Variants in PTPN14 observed in about 807,000 individuals in gnomAD.
PTPN14 encodes the protein tyrosine-protein phosphatase non-receptor type 14.
A neutral mutation model predicts 126.8 loss-of-function variants in PTPN14; 53 were observed. That is an observed-to-expected ratio of 0.42 (90% CI 0.34 to 0.53). PTPN14 has a LOEUF of 0.53. Among genes scored for constraint, PTPN14 ranks in the 20% least tolerant of loss-of-function variants. The probability of loss-of-function intolerance (pLI) is 0.08; values close to 1 mark genes in which losing one functional copy is unlikely to be tolerated. For missense variants in PTPN14, 1,257 were observed against 1,552.9 expected (o/e 0.81, Z 3.20); for synonymous variants, 630 against 599.3 (o/e 1.05, Z -0.75).
chr1:214,394,465 TGG>T, intron 9 of PTPN14, among the ~76,000 whole-genome samples: 1 of 152,322 alleles, frequency 6.6e-6, no homozygotes, highest in Non-Finnish European at 1.5e-5. Context: ...CGGAGTGCAG[TGG>T]CGCAATCTTG....
chr1:214,503,460 G>A (rs1410235089), intron 1 of PTPN14, among the ~76,000 whole-genome samples: 6 of 152,178 alleles, frequency 3.9e-5, no homozygotes, highest in African/African-American at 1.2e-4. Context: ...ATATGTAGAC[G>A]TACATTTGTA....
intron 3 of PTPN14, among the ~76,000 whole-genome samples, chr1:214,450,592 C>T (rs1336654875): frequency 6.6e-6 from 1 of 152,066 alleles, no homozygotes; most frequent in South Asian, 2.1e-4. Context: ...AAAAACTACA[C>T]AAAAGTCAGG....
At chr1:214,414,959 C>T (rs17022858) in intron 3 of PTPN14, among the ~76,000 whole-genome samples, 1,853 of 152,288 alleles carry the variant, frequency 0.012, 46 homozygotes, top group African/African-American at 0.042. Flanking sequence ...ATTCTCATCA[C>T]ATCACTTATT....
At chr1:214,368,194 G>T (rs545083216) in intron 17 of PTPN14, among the ~76,000 whole-genome samples, 1 of 37,070 alleles carries the variant, frequency 2.7e-5, no homozygotes, top group African/African-American at 1.9e-4. Flanking sequence ...AATGTTATTC[G>T]TTTTTATTTA....
rs545671636 is a variant in PTPN14, at chr1:214,390,150, T to C, written c.987+838A>G. ...TATCAGCTTGAAAGAATTGTTGATC[T>C]AGAGAAGTTAAAAGGTCATATGCTT... On this transcript the variant is annotated intron_variant, in intron 11 of 18. Transcript: ENST00000366956. Among the ~76,000 whole-genome samples, 170 of 152,320 alleles carry C rather than the reference T, an allele frequency of 1.1e-3. 1 individual carries two copies. The highest frequency in any genetic ancestry group is 3.9e-3 in the African/African-American group (161 of 41,584).
At chr1:214,454,258 AG>A (rs1660334125) in intron 2 of PTPN14, among the ~76,000 whole-genome samples, 1 of 152,222 alleles carries the variant, frequency 6.6e-6, no homozygotes, top group African/African-American at 2.4e-5. Flanking sequence ...TTTCACTAAA[AG>A]TAGTTTTGAC....
At chr1:214,371,205 C>T (rs1366469584) in intron 16 of PTPN14, among the ~76,000 whole-genome samples, 1 of 152,104 alleles carries the variant, frequency 6.6e-6, no homozygotes, top group Non-Finnish European at 1.5e-5. Context: ...CCTTGGCCAC[C>T]CCCCTGATCT....
At chr1:214,479,043 T>C (rs1035347766) in intron 1 of PTPN14, among the ~76,000 whole-genome samples, 2 of 151,962 alleles carry the variant, frequency 1.3e-5, no homozygotes, top group Non-Finnish European at 2.9e-5. Context: ...CAAGCATTCC[T>C]TTTTAAAATC....
At chr1:214,385,111 T>C (rs1041242777) in intron 12 of PTPN14, among the ~76,000 whole-genome samples, 2 of 152,202 alleles carry the variant, frequency 1.3e-5, no homozygotes, top group Non-Finnish European at 1.5e-5. Flanking sequence ...AGCCCTCCAG[T>C]TGGGGAGGCC....
At chr1:214,461,559 G>A (rs1660513073) in intron 2 of PTPN14, among the ~76,000 whole-genome samples, 1 of 152,172 alleles carries the variant, frequency 6.6e-6, no homozygotes, top group Non-Finnish European at 1.5e-5. Context: ...GAGCTCAGGA[G>A]GTTGAGGCTG....
chr1:214,387,656 G>A (rs1469026942), intron 11 of PTPN14, among the ~76,000 whole-genome samples: 2 of 140,120 alleles, frequency 1.4e-5, no homozygotes, highest in Non-Finnish European at 1.5e-5. Context: ...CCAGCCTGGC[G>A]ACAGAGCAAG....
chr1:214,405,201 A>G (rs61819560), intron 5 of PTPN14, among the ~76,000 whole-genome samples: 4,332 of 152,164 alleles, frequency 0.028, 83 homozygotes, highest in South Asian at 0.043. Context: ...CACTTCCCTC[A>G]ATAGGGCTCT....
intron 1 of PTPN14, among the ~76,000 whole-genome samples, chr1:214,470,149 C>T (rs1660722113): frequency 6.6e-6 from 1 of 151,916 alleles, no homozygotes; most frequent in South Asian, 2.1e-4. Context: ...AATAGCTGGA[C>T]ATGGTTTTGT....
chr1:214,461,540 G>T (rs1464403169), intron 2 of PTPN14, among the ~76,000 whole-genome samples: 1 of 152,072 alleles, frequency 6.6e-6, no homozygotes, highest in African/African-American at 2.4e-5. Flanking sequence ...GGCTGAGGTG[G>T]GATCACTTGA....
chr1:214,401,573 G>T, intron 7 of PTPN14, 112 bp downstream of exon 7: 2 of 881,632 alleles, frequency 2.3e-6, no homozygotes, highest in Non-Finnish European at 3.5e-6. Context: ...AACTAAGGCT[G>T]CATAGCAAAA....
chr1:214,494,445 A>C (rs1444827164), intron 1 of PTPN14, among the ~76,000 whole-genome samples: 1 of 152,134 alleles, frequency 6.6e-6, no homozygotes, highest in Non-Finnish European at 1.5e-5. Context: ...CCCCAAGCTT[A>C]GAGAGGTTGG....
At chr1:214,475,375 T>A (rs1441352577) in intron 1 of PTPN14, among the ~76,000 whole-genome samples, 1 of 152,148 alleles carries the variant, frequency 6.6e-6, no homozygotes, top group Non-Finnish European at 1.5e-5. Flanking sequence ...AAATGACAAG[T>A]TCTTTAAAAT....
intron 8 of PTPN14, among the ~76,000 whole-genome samples, chr1:214,395,588 A>AACACAC (rs57357032): frequency 0.038 from 5,054 of 132,436 alleles, 167 homozygotes; most frequent in African/African-American, 0.073. Flanking sequence ...GGGACCCAAC[A>AACACAC]ACACACACAC....
intron 3 of PTPN14, among the ~76,000 whole-genome samples, chr1:214,448,510 C>T (rs1306946036): frequency 6.6e-6 from 1 of 151,702 alleles, no homozygotes; most frequent in Non-Finnish European, 1.5e-5. Flanking sequence ...TCCCAAAGTG[C>T]TGGGATTACA....
Sources: allele counts gnomAD v4.1 joint callset (sites outside exome capture counted in the v4.1 genomes callset), GRCh38; gene constraint gnomAD v4.1.1; transcripts MANE v1.5; gene names NCBI Gene and HGNC (gene_info 2026-07-23, HGNC 2026-07-21).